SLC12A1: variants seen among roughly 807,000 people sequenced by gnomAD.
SLC12A1 encodes the protein solute carrier family 12 member 1, also known as Na-K-2Cl cotransporter.
Under a neutral mutation model 130.4 loss-of-function variants are expected in SLC12A1, and 89 were observed. That is an observed-to-expected ratio of 0.68 (90% CI 0.58 to 0.81). The LOEUF is 0.81. Among genes scored for constraint, SLC12A1 ranks in the 40% least tolerant of loss-of-function variants. SLC12A1 has a pLI of 0.00. For synonymous variants in SLC12A1, 499 were observed against 460.0 expected, an observed-to-expected ratio of 1.08 and a Z score of -1.09; for missense variants, 1,310 against 1,336.4, an observed-to-expected ratio of 0.98 and a Z score of 0.31.
At chr15:48,279,997 C>G (rs1045013792) in intron 20 of SLC12A1, among the ~76,000 whole-genome samples, 1 of 151,794 alleles carries the variant, frequency 6.6e-6, no homozygotes, top group African/African-American at 2.4e-5. Context: ...GAAAGAATTA[C>G]AACTTAAAAT....
intron 20 of SLC12A1, among the ~76,000 whole-genome samples, chr15:48,284,270 C>T (rs1376918603): frequency 6.6e-6 from 1 of 152,186 alleles, no homozygotes; most frequent in Non-Finnish European, 1.5e-5. Flanking sequence ...TAATTTGTAT[C>T]CAGAGCCTAT....
chr15:48,220,416 C>T (rs920652505), intron 2 of SLC12A1, among the ~76,000 whole-genome samples: 1 of 152,096 alleles, frequency 6.6e-6, no homozygotes, highest in Non-Finnish European at 1.5e-5. Flanking sequence ...TTCCCTTCAC[C>T]CAGCCCTAAA....
chr15:48,286,240 A>G (rs1009986241), intron 21 of SLC12A1, among the ~76,000 whole-genome samples: 2 of 152,206 alleles, frequency 1.3e-5, no homozygotes, highest in African/African-American at 2.4e-5. Flanking sequence ...TCCACAGAGA[A>G]TGATGGGAAA....
intron 23 of SLC12A1, among the ~76,000 whole-genome samples, chr15:48,290,255 T>C (rs1350916325): frequency 6.6e-6 from 1 of 152,208 alleles, no homozygotes; most frequent in East Asian, 1.9e-4. Context: ...TGTATCCCAC[T>C]GGAAGGTCTT....
chr15:48,245,506 T>C (rs1235343508), intron 11 of SLC12A1, among the ~76,000 whole-genome samples: 1 of 152,220 alleles, frequency 6.6e-6, no homozygotes, highest in Non-Finnish European at 1.5e-5. Context: ...CACTTGTAAG[T>C]GAGAATATGT....
chr15:48,234,080 G>A (rs1482205520), intron 8 of SLC12A1, among the ~76,000 whole-genome samples: 2 of 152,120 alleles, frequency 1.3e-5, no homozygotes, highest in African/African-American at 4.8e-5. Context: ...TCATGCATTA[G>A]TAGCAAAATT....
At chr15:48,225,657 A>C (rs1168979554) in intron 4 of SLC12A1, 2 of 152,318 alleles carry the variant, frequency 1.3e-5, no homozygotes, top group Non-Finnish European at 2.9e-5. Context: ...TTTAGCTCTT[A>C]AGTTTCTTGG....
At position 48,234,984 on chromosome 15, in the gene SLC12A1, A is replaced by G. The variant is rs760738199; in HGVS notation, c.1195A>G (p.Asn399Asp). 6.2e-7 allele frequency: 1 copy of G among 1,613,866 alleles called. No homozygotes were observed. The highest frequency in any genetic ancestry group is 1.1e-5 in the South Asian group (1 of 91,074). The change falls in exon 9 of 27, where the codon AAT (asparagine) becomes GAT (aspartate). Residue 399 changes from asparagine (N) to aspartate (D), a missense_variant. Transcript: ENST00000380993. ...PAATGILAGA[N>D]ISGDLEDPQD... ...AGCTACTGGGATTCTTGCTGGTGCC[A>G]ATATCTCAGGAGATTTGGAGGTACG...
chr15:48,209,775 C>G (rs1193951630), intron 2 of SLC12A1, among the ~76,000 whole-genome samples: 1 of 152,176 alleles, frequency 6.6e-6, no homozygotes, highest in East Asian at 1.9e-4. Flanking sequence ...GTCCCTGACT[C>G]TGGGTCCTAC....
chr15:48,228,604 G>C, intron 5 of SLC12A1: 1 of 240,550 alleles, frequency 4.2e-6, no homozygotes, highest in South Asian at 4.6e-5. Context: ...TATATATCAT[G>C]CCTTCTTTCA....
Position 48,251,598 on chromosome 15 carries a change from G to T in SLC12A1, c.1787-17G>T. 3.7e-6 allele frequency: 6 copies of T among 1,605,946 alleles called. No individual in the cohort carries two copies. Among genetic ancestry groups the T allele is most frequent in the Non-Finnish European group, 5.1e-6 (6 of 1,172,604 alleles). On this transcript the variant is annotated splice_polypyrimidine_tract_variant and intron_variant, in intron 14 of 26. Transcript: ENST00000380993. ...ATAGTAGAGTGGAAGTTTTCCTTCTGCATATTTTGTTTTCAGGATGGAGAC... is the reference window on the plus strand; with the variant it reads ...ATAGTAGAGTGGAAGTTTTCCTTCTTCATATTTTGTTTTCAGGATGGAGAC...
chr15:48,236,968 G>A, intron 9 of SLC12A1: 1 of 695,426 alleles, frequency 1.4e-6, no homozygotes, highest in Non-Finnish European at 2.6e-6. Flanking sequence ...GGCCCTCACT[G>A]AGTGCCTGTT....
At chr15:48,232,105 A>G (rs1185620611) in intron 7 of SLC12A1, among the ~76,000 whole-genome samples, 1 of 152,230 alleles carries the variant, frequency 6.6e-6, no homozygotes, top group Non-Finnish European at 1.5e-5. Flanking sequence ...GAAAAGAAGG[A>G]AATAGCTATG....
chr15:48,210,323 G>T (rs2041036976), intron 2 of SLC12A1, among the ~76,000 whole-genome samples: 1 of 152,074 alleles, frequency 6.6e-6, no homozygotes, highest in South Asian at 2.1e-4. Context: ...TTTTAAATCT[G>T]CCTCCTTTTT....
intron 9 of SLC12A1, 147 bp from the exon 10 acceptor site, chr15:48,241,368 T>C (rs936073870): frequency 1.5e-6 from 1 of 676,956 alleles, no homozygotes; most frequent in African/African-American, 1.8e-5. Flanking sequence ...AAGCTCAAGC[T>C]CATCAACTTG....
intron 7 of SLC12A1, among the ~76,000 whole-genome samples, chr15:48,231,960 G>A (rs1234651386): frequency 3.9e-5 from 6 of 152,136 alleles, no homozygotes; most frequent in African/African-American, 9.7e-5. Flanking sequence ...GCAGTGAGCC[G>A]AGATCGTGCC....
chr15:48,231,940 G>A (rs921486948), intron 7 of SLC12A1, among the ~76,000 whole-genome samples: 1 of 152,172 alleles, frequency 6.6e-6, no homozygotes, highest in African/African-American at 2.4e-5. Context: ...GAACCCAGGA[G>A]GTGGAGGTTG....
intron 7 of SLC12A1, 54 bp downstream of exon 7, chr15:48,230,557 A>AT: frequency 1.8e-6 from 2 of 1,101,114 alleles, no homozygotes; most frequent in Non-Finnish European, 2.7e-6. Flanking sequence ...TCCTGAACAA[A>AT]TTGCAGGAGT....
At chr15:48,240,092 CATAT>C (rs1202434183) in intron 9 of SLC12A1, among the ~76,000 whole-genome samples, 916 of 60,380 alleles carry the variant, frequency 0.015, 46 homozygotes, top group African/African-American at 0.028. Flanking sequence ...TATATATATC[CATAT>C]ATATATATAT....
Sources: allele counts gnomAD v4.1 joint callset (sites outside exome capture counted in the v4.1 genomes callset), GRCh38; gene constraint gnomAD v4.1.1; transcripts MANE v1.5; gene names NCBI Gene and HGNC (gene_info 2026-07-23, HGNC 2026-07-21).